PMS1: variants seen among roughly 807,000 people sequenced by gnomAD.
PMS1 encodes the protein PMS1 protein homolog 1.
A neutral mutation model predicts 93.1 loss-of-function variants in PMS1; 79 were observed. The ratio of observed to expected loss-of-function variants is 0.85; its 90% CI spans 0.71 to 1.02. PMS1 has a LOEUF of 1.02. Ranked by LOEUF, PMS1 falls within the 50% of genes least tolerant of loss-of-function variation. PMS1 has a pLI of 0.00. For missense variants in PMS1, 1,064 were observed against 1,085.3 expected (o/e 0.98, Z 0.28); for synonymous variants, 335 against 363.4 (o/e 0.92, Z 0.89).
At chr2:189,860,612 TAA>T (rs2055858029) in intron 9 of PMS1, among the ~76,000 whole-genome samples, 1 of 151,996 alleles carries the variant, frequency 6.6e-6, no homozygotes, top group African/African-American at 2.4e-5. Context: ...GAGAAAATGC[TAA>T]GTTAGATTTC....
intron 4 of PMS1, among the ~76,000 whole-genome samples, chr2:189,812,598 A>G (rs1305148672): frequency 6.6e-6 from 1 of 152,152 alleles, no homozygotes. Flanking sequence ...AGTTTATCAC[A>G]CAGAAAAGTA....
At chr2:189,872,427 CTG>C (rs1157648258) in intron 11 of PMS1, among the ~76,000 whole-genome samples, 1 of 152,104 alleles carries the variant, frequency 6.6e-6, no homozygotes, top group African/African-American at 2.4e-5. Flanking sequence ...CAAGATTGGA[CTG>C]TCTCTTTTCC....
intron 5 of PMS1, among the ~76,000 whole-genome samples, chr2:189,839,811 A>G (rs2106400247): frequency 1.3e-5 from 2 of 152,306 alleles, no homozygotes; most frequent in South Asian, 4.2e-4. Context: ...AATCTGGAAC[A>G]AAATTGATGC....
intron 10 of PMS1, among the ~76,000 whole-genome samples, chr2:189,865,457 T>C (rs1053066541): frequency 1.3e-5 from 2 of 152,202 alleles, no homozygotes; most frequent in African/African-American, 4.8e-5. Context: ...GGCTATATGC[T>C]TCATATTTCA....
intron 6 of PMS1, 141 bp from the exon 7 acceptor site, chr2:189,852,514 G>A (rs1279082728): frequency 7.0e-6 from 5 of 715,962 alleles, no homozygotes; most frequent in Non-Finnish European, 1.2e-5. Context: ...CTTAAGACAT[G>A]ATTATCAGGA....
At chr2:189,805,892 A>G in intron 4 of PMS1, 138 bp downstream of exon 4, 2 of 1,541,328 alleles carry the variant, frequency 1.3e-6, no homozygotes, top group Non-Finnish European at 1.7e-6. Context: ...ACTTCCAAGT[A>G]AACATTCAGC....
chr2:189,796,059 T>A, intron 3 of PMS1, 108 bp downstream of exon 3: 1 of 894,380 alleles, frequency 1.1e-6, no homozygotes, highest in Non-Finnish European at 1.9e-6. Context: ...TTTATTATGG[T>A]AAAATATACA....
At chr2:189,787,421 G>C (rs2048453759) in intron 1 of PMS1, among the ~76,000 whole-genome samples, 1 of 151,998 alleles carries the variant, frequency 6.6e-6, no homozygotes, top group Non-Finnish European at 1.5e-5. Context: ...ACATTCAAAA[G>C]TTGTACAGCA....
At chr2:189,818,972 G>A (rs529425706) in intron 5 of PMS1, among the ~76,000 whole-genome samples, 1 of 152,294 alleles carries the variant, frequency 6.6e-6, no homozygotes, top group East Asian at 1.9e-4. Context: ...TAGTGGCGAA[G>A]TCAGAGCTTT....
chr2:189,799,663 A>G (rs1358079366), intron 3 of PMS1, among the ~76,000 whole-genome samples: 2 of 152,248 alleles, frequency 1.3e-5, no homozygotes, highest in East Asian at 1.9e-4. Context: ...CTAGTACACC[A>G]TCTAGATCCC....
At chr2:189,803,796 A>G (rs528703420) in intron 3 of PMS1, among the ~76,000 whole-genome samples, 1 of 152,268 alleles carries the variant, frequency 6.6e-6, no homozygotes, top group Non-Finnish European at 1.5e-5. Context: ...GTCTTTAGCC[A>G]TGAATTGCAA....
intron 5 of PMS1, among the ~76,000 whole-genome samples, chr2:189,835,695 G>T (rs1336236797): frequency 6.6e-6 from 1 of 152,098 alleles, no homozygotes. Context: ...GGAGCCCAAG[G>T]TGGGAGGATC....
intron 6 of PMS1, among the ~76,000 whole-genome samples, chr2:189,849,867 C>CT (rs751444288): frequency 0.09 from 10,726 of 118,796 alleles, 1,046 homozygotes; most frequent in African/African-American, 0.24. Flanking sequence ...TATTTTTAAA[C>CT]TTTTTTTTTT....
chr2:189,786,007 C>T (rs986242700), intron 1 of PMS1, among the ~76,000 whole-genome samples: 6 of 152,120 alleles, frequency 3.9e-5, no homozygotes, highest in Non-Finnish European at 8.8e-5. Context: ...CTCCTGTAAT[C>T]CCAGCTACTT....
At chr2:189,874,575 T>G (rs1427216842) in intron 12 of PMS1, among the ~76,000 whole-genome samples, 3 of 152,214 alleles carry the variant, frequency 2.0e-5, no homozygotes, top group Non-Finnish European at 4.4e-5. Context: ...AAGATTGGTA[T>G]TATTTAAAAA....
At chr2:189,790,046 C>A (rs947578741) in intron 1 of PMS1, among the ~76,000 whole-genome samples, 4 of 152,160 alleles carry the variant, frequency 2.6e-5, no homozygotes, top group African/African-American at 9.7e-5. Context: ...CTATAAAGGA[C>A]CTCAAATGCC....
In PMS1 at chr2:189,857,518, T is replaced by C. The variant is rs200699586; in HGVS notation, c.1856+2390T>C. 238 of 467,162 alleles carry C rather than the reference T, an allele frequency of 5.1e-4. 1 individual carries two copies. Among genetic ancestry groups the C allele is most frequent in the Middle Eastern group, 2.6e-3 (8 of 3,056 alleles). 28.9% of individuals were successfully genotyped at this position (467,162 alleles called of 1,614,324 possible). ...AAATTCTCTAAGGTATATTAAGAGA[T>C]ATGAGAGTAGACGCCTCTTCTATAG... On this transcript the variant is annotated intron_variant, in intron 9 of 12. Transcript: ENST00000441310.
chr2:189,832,983 AC>A (rs1369221437), intron 5 of PMS1, among the ~76,000 whole-genome samples: 3 of 152,212 alleles, frequency 2.0e-5, no homozygotes, highest in Non-Finnish European at 2.9e-5. Context: ...GTCAAGACCA[AC>A]CATCTCCCTC....
Position 189,854,745 on chromosome 2 carries a change from G to A in PMS1, c.1473G>A (p.Ser491=), listed in dbSNP as rs754744032. 42 of 1,613,728 alleles carry A rather than the reference G, an allele frequency of 2.6e-5. No homozygotes were observed. Among genetic ancestry groups the A allele is most frequent in the East Asian group, 6.7e-5 (3 of 44,832 alleles). The change falls in exon 9 of 13, where the codon TCG becomes TCA. Residue 491 remains serine, a synonymous_variant. Coordinates refer to ENST00000441310, the MANE Select transcript of PMS1 (RefSeq NM_000534.5). ...AAGAAGCAGGTCTTGAAAACTCTTC[G>A]GAAATTTCTGCAGATGAGTGGAGCA... The part of the protein sequence containing the change: ...NEEEAGLENS[S]EISADEWSRG...
Sources: gnomAD v4.1 joint callset for allele counts (sites outside exome capture counted in the v4.1 genomes callset) on GRCh38, gnomAD v4.1.1 for gene constraint, MANE v1.5 for transcripts, NCBI Gene and HGNC (gene_info 2026-07-23, HGNC 2026-07-21) for gene names.